The following SDK1 variants were observed in gnomAD, a reference collection of about 807,000 sequenced individuals.
SDK1 encodes the protein protein sidekick-1.
Under a neutral mutation model 245.5 loss-of-function variants are expected in SDK1, and 157 were observed. That is an observed-to-expected ratio of 0.64 (90% CI 0.56 to 0.73). The LOEUF is 0.73. SDK1 is among the 30% of genes least tolerant of loss of function. The pLI is 0.00. For missense variants in SDK1, 3,583 were observed against 3,002.3 expected (o/e 1.19, Z -4.52); for synonymous variants, 1,647 against 1,278.5 (o/e 1.29, Z -6.15).
At chr7:3,925,328 G>T (rs773578788) in intron 5 of SDK1, among the ~76,000 whole-genome samples, 1 of 152,232 alleles carries the variant, frequency 6.6e-6, no homozygotes, top group Admixed American at 6.5e-5. Flanking sequence ...GAGAAGCTGC[G>T]TAGAAGCCCT....
intron 1 of SDK1, among the ~76,000 whole-genome samples, chr7:3,463,881 C>G (rs1018359697): frequency 6.6e-6 from 1 of 152,192 alleles, no homozygotes; most frequent in Non-Finnish European, 1.5e-5. Flanking sequence ...TGGACACATT[C>G]CAGGCATAAG....
intron 35 of SDK1, among the ~76,000 whole-genome samples, chr7:4,183,459 C>A (rs1353693361): frequency 6.6e-6 from 1 of 151,812 alleles, no homozygotes; most frequent in Non-Finnish European, 1.5e-5. Context: ...CATGGTGAAA[C>A]CCCATCTCTA....
intron 20 of SDK1, among the ~76,000 whole-genome samples, chr7:4,074,912 ATATAT>A (rs1396231982): frequency 3.8e-4 from 29 of 76,530 alleles, no homozygotes; most frequent in African/African-American, 2.5e-3. Flanking sequence ...ATATATATAT[ATATAT>A]TTTTTTTTTT....
chr7:3,851,778 G>T (rs2115103144), intron 5 of SDK1, among the ~76,000 whole-genome samples: 1 of 152,256 alleles, frequency 6.6e-6, no homozygotes. Context: ...AAAAGAATTG[G>T]ACATTGAAGC....
At chr7:3,304,402 A>T (rs760643443) in intron 1 of SDK1, among the ~76,000 whole-genome samples, 1 of 152,198 alleles carries the variant, frequency 6.6e-6, no homozygotes, top group Non-Finnish European at 1.5e-5. Flanking sequence ...AAGCAGTCTT[A>T]TGTGTGAAGT....
At chr7:3,657,845 C>T (rs991688961) in intron 4 of SDK1, among the ~76,000 whole-genome samples, 10 of 152,276 alleles carry the variant, frequency 6.6e-5, no homozygotes, top group African/African-American at 2.2e-4. Flanking sequence ...TGGATGACTG[C>T]AGGGGGAAAG....
At position 4,010,978 on chromosome 7, in the gene SDK1, A is replaced by C. The variant is rs745356560; in HGVS notation, c.2144A>C (p.Lys715Thr). Residue 715 changes from lysine (K) to threonine (T), a missense_variant, in exon 15 of 45, where the codon AAG becomes ACG. By Grantham distance (78) the Lys-to-Thr change is moderately conservative (BLOSUM62 -1). Coordinates refer to ENST00000404826, the MANE Select transcript of SDK1 (RefSeq NM_152744.4). ...VELSENNSPW[K>T]VHLSNVGPEM... ...TTCATTCTTTCAGACTCTCCATGGA[A>C]GGTGCATCTGTCAAACGTTGGCCCT... 6.2e-7 allele frequency: 1 copy of C among 1,614,208 alleles called. No individual in the cohort carries two copies. The highest frequency in any genetic ancestry group is 8.5e-7 in the Non-Finnish European group (1 of 1,180,028).
intron 3 of SDK1, 83 bp from the exon 4 acceptor site, chr7:3,641,875 A>C: frequency 8.7e-7 from 1 of 1,150,198 alleles, no homozygotes; most frequent in South Asian, 1.5e-5. Context: ...CTTTACTGTA[A>C]CACTTACCTG....
chr7:3,878,670 C>G (rs1781131729), intron 5 of SDK1, among the ~76,000 whole-genome samples: 1 of 152,198 alleles, frequency 6.6e-6, no homozygotes, highest in Non-Finnish European at 1.5e-5. Flanking sequence ...TGTAGATGAG[C>G]AAAGTTAGAT....
chr7:4,028,599 G>A (rs1165176194), intron 17 of SDK1, among the ~76,000 whole-genome samples: 1 of 152,216 alleles, frequency 6.6e-6, no homozygotes, highest in East Asian at 1.9e-4. Context: ...AGGTGAACCA[G>A]TGAAAACACA....
At chr7:4,003,265 C>T (rs1230056662) in intron 14 of SDK1, among the ~76,000 whole-genome samples, 1 of 152,246 alleles carries the variant, frequency 6.6e-6, no homozygotes, top group East Asian at 1.9e-4. Context: ...CTGCTCCAGA[C>T]CAACCACTCA....
At chr7:3,943,140 T>C (rs946917525) in intron 5 of SDK1, among the ~76,000 whole-genome samples, 22 of 152,288 alleles carry the variant, frequency 1.4e-4, no homozygotes, top group African/African-American at 4.8e-4. Flanking sequence ...TAGGATTTGC[T>C]CTCTCCGATA....
In SDK1 at chr7:3,958,975, G is replaced by T; in HGVS notation, c.1195G>T (p.Glu399Ter). The change falls in exon 8 of 45, where the codon GAA becomes TAA. Residue 399 changes from glutamate (E) to a stop codon, truncating the protein, a stop_gained. Transcript: ENST00000404826. LOFTEE classifies it high-confidence loss of function. ...TGAGCCCGAGAGTCGGATTTCAGCT[G>T]AAGTAGAAGAAACTGTGGACATCGG... ...TAEPESRISA[E>*]VEETVDIGCQ... The T allele has an allele frequency of 6.2e-7, 1 of 1,613,958 alleles. No homozygotes were observed. Among genetic ancestry groups the T allele is most frequent in the East Asian group, 2.2e-5 (1 of 44,898 alleles).
intron 1 of SDK1, among the ~76,000 whole-genome samples, chr7:3,466,934 G>A (rs1215479350): frequency 6.9e-6 from 1 of 145,472 alleles, no homozygotes; most frequent in Non-Finnish European, 1.5e-5. Flanking sequence ...TTTTTCCTTA[G>A]TATTTTGTCT....
At chr7:3,430,404 A>G (rs189600154) in intron 1 of SDK1, among the ~76,000 whole-genome samples, 1 of 152,292 alleles carries the variant, frequency 6.6e-6, no homozygotes, top group Admixed American at 6.5e-5. Context: ...AAATCCAGGT[A>G]TCCTAAGGGA....
intron 2 of SDK1, among the ~76,000 whole-genome samples, chr7:3,621,197 G>A (rs374837504): frequency 3.9e-5 from 6 of 152,148 alleles, no homozygotes; most frequent in African/African-American, 1.2e-4. Context: ...GTTAGAAGGG[G>A]TGTAAGAAAG....
At chr7:3,983,248 A>G (rs751218557) in intron 13 of SDK1, among the ~76,000 whole-genome samples, 2 of 152,230 alleles carry the variant, frequency 1.3e-5, no homozygotes, top group Admixed American at 6.5e-5. Context: ...AAGAAGTTCT[A>G]CTGTGGGTAA....
chr7:3,698,825 C>A (rs1562379560), intron 4 of SDK1, among the ~76,000 whole-genome samples: 1 of 152,170 alleles, frequency 6.6e-6, no homozygotes, highest in Non-Finnish European at 1.5e-5. Context: ...GTGCTCATAA[C>A]CTCATCTAAC....
chr7:3,592,764 G>A (rs184717202), intron 1 of SDK1, among the ~76,000 whole-genome samples: 1 of 152,118 alleles, frequency 6.6e-6, no homozygotes, highest in African/African-American at 2.4e-5. Flanking sequence ...TTGCTCTATC[G>A]TAGCTCCAGA....
Sources: gnomAD v4.1 joint callset for allele counts (sites outside exome capture counted in the v4.1 genomes callset) on GRCh38, gnomAD v4.1.1 for gene constraint, MANE v1.5 for transcripts, NCBI Gene and HGNC (gene_info 2026-07-23, HGNC 2026-07-21) for gene names.